TOX: variants seen among roughly 807,000 people sequenced by gnomAD.
The protein encoded by TOX is thymocyte selection associated high mobility group box.
Under a neutral mutation model 53.7 loss-of-function variants are expected in TOX, and 11 were observed. The observed-to-expected ratio is 0.20, with a 90% CI of 0.13 to 0.34. The LOEUF is 0.34. Ranked by LOEUF, TOX falls within the 10% of genes least tolerant of loss-of-function variation. The pLI is 1.00. For missense variants in TOX, 570 were observed against 664.6 expected (o/e 0.86, Z 1.56); for synonymous variants, 225 against 245.3 (o/e 0.92, Z 0.77).
rs956859963 is a variant in TOX, at chr8:59,115,767, T to C, written c.102+3119A>G. Among the ~76,000 whole-genome samples, 14 of 152,318 alleles carry C rather than the reference T, an allele frequency of 9.2e-5. No individual in the cohort carries two copies. In the South Asian group the frequency reaches 2.9e-3, roughly 32 times the overall value. ...CCGTTCTGGCTGTTTGTGTAAGAGATGCCTCACACACTTGCCTTAACCAAC... is the reference window on the plus strand; with the variant it reads ...CCGTTCTGGCTGTTTGTGTAAGAGACGCCTCACACACTTGCCTTAACCAAC... On this transcript the variant is annotated intron_variant, in intron 1 of 8. Coordinates refer to ENST00000361421, the MANE Select transcript of TOX (RefSeq NM_014729.3).
chr8:58,854,298 A>G (rs1810874921), intron 3 of TOX, among the ~76,000 whole-genome samples: 1 of 152,178 alleles, frequency 6.6e-6, no homozygotes. Context: ...CCTTTCAGAA[A>G]TCTTGTGGTT....
intron 1 of TOX, among the ~76,000 whole-genome samples, chr8:59,055,299 T>C (rs1803871374): frequency 6.6e-6 from 1 of 152,154 alleles, no homozygotes; most frequent in African/African-American, 2.4e-5. Context: ...AGGGACTCAA[T>C]GAAGCAGACC....
chr8:58,882,634 A>G (rs1465863908), intron 3 of TOX, among the ~76,000 whole-genome samples: 1 of 152,204 alleles, frequency 6.6e-6, no homozygotes, highest in Non-Finnish European at 1.5e-5. Flanking sequence ...TGTCACTATA[A>G]TTTTGAAAAA....
intron 1 of TOX, among the ~76,000 whole-genome samples, chr8:59,002,998 T>C (rs1813722972): frequency 6.6e-6 from 1 of 152,210 alleles, no homozygotes; most frequent in African/African-American, 2.4e-5. Context: ...GAAACCTGTG[T>C]TTCAATATGT....
intron 3 of TOX, among the ~76,000 whole-genome samples, chr8:58,926,714 G>A (rs1238850393): frequency 6.6e-6 from 1 of 152,120 alleles, no homozygotes; most frequent in African/African-American, 2.4e-5. Context: ...TGTCGATGGA[G>A]AGAAAAGAAT....
chr8:59,091,566 C>G (rs1804606843), intron 1 of TOX, among the ~76,000 whole-genome samples: 1 of 152,232 alleles, frequency 6.6e-6, no homozygotes, highest in African/African-American at 2.4e-5. Flanking sequence ...ACTTCCTAAG[C>G]ACAAAACTGT....
chr8:58,870,114 T>C (rs1026222858), intron 3 of TOX, among the ~76,000 whole-genome samples: 57 of 151,848 alleles, frequency 3.8e-4, no homozygotes, highest in Non-Finnish European at 4.6e-4. Flanking sequence ...GTTGAACAGA[T>C]CGGAAAGGAA....
chr8:59,098,089 G>A (rs373722434), intron 1 of TOX, among the ~76,000 whole-genome samples: 15 of 152,008 alleles, frequency 9.9e-5, no homozygotes, highest in East Asian at 3.9e-4. Context: ...GAGTGACAAT[G>A]AGCTGAAGTC....
intron 5 of TOX, among the ~76,000 whole-genome samples, chr8:58,835,132 A>G (rs1278013271): frequency 2.6e-5 from 4 of 152,214 alleles, no homozygotes; most frequent in Admixed American, 6.5e-5. Flanking sequence ...TGATTTATAT[A>G]AGTCAACTAT....
chr8:59,052,323 G>A (rs1045552265), intron 1 of TOX, among the ~76,000 whole-genome samples: 14 of 151,982 alleles, frequency 9.2e-5, no homozygotes, highest in Non-Finnish European at 1.0e-4. Flanking sequence ...TCAATACTTA[G>A]TGCATTTGCA....
At position 58,952,591 on chromosome 8, in the gene TOX, C is replaced by T. The variant is rs555474221; in HGVS notation, c.168+7352G>A. 4.6e-5 allele frequency among the ~76,000 whole-genome samples: 7 copies of T among 152,296 alleles called. No individual in the cohort carries two copies. The South Asian group carries it at 1.5e-3, about 32-fold the overall frequency. The stretch of plus-strand genomic sequence containing the variant: ...ACTGCAGTAGTGCTACAACTCCTCC[C>T]TCCAATGCCTAAATATGCTGGCATC... On this transcript the variant is annotated intron_variant, in intron 2 of 8. Transcript: ENST00000361421.
chr8:59,035,606 G>T (rs1814444441), intron 1 of TOX, among the ~76,000 whole-genome samples: 2 of 152,168 alleles, frequency 1.3e-5, no homozygotes, highest in Non-Finnish European at 2.9e-5. Context: ...TAATCTCTCA[G>T]AGCCTATAAA....
chr8:58,851,686 G>T lies in TOX; in HGVS notation c.531C>A (p.Gly177=). The T allele has an allele frequency of 6.2e-7, 1 of 1,613,654 alleles. No individual in the cohort carries two copies. Among genetic ancestry groups the T allele is most frequent in the Non-Finnish European group, 8.5e-7 (1 of 1,179,820 alleles). Residue 177 remains glycine (G), a synonymous_variant, in exon 4 of 9, where the codon GGC becomes GGA. Coordinates refer to ENST00000361421, the MANE Select transcript of TOX (RefSeq NM_014729.3). This position sits in a 1 kb window ranked among gnomAD's most constrained non-coding sequence, Gnocchi z 4.4. The part of the protein sequence containing the change: ...IRQQPGMMPH[G]QLTTINQSQL... ...GTGACTGGTTAATGGTAGTCAGCTGGCCATGTGGCATCATTCCTGGCTGCT... is the reference window on the plus strand; with the variant it reads ...GTGACTGGTTAATGGTAGTCAGCTGTCCATGTGGCATCATTCCTGGCTGCT...
intron 1 of TOX, among the ~76,000 whole-genome samples, chr8:58,987,397 C>T (rs1813352602): frequency 6.6e-6 from 1 of 152,184 alleles, no homozygotes; most frequent in African/African-American, 2.4e-5. Context: ...TAAACCTTTT[C>T]TGCATCTTTT....
intron 2 of TOX, among the ~76,000 whole-genome samples, chr8:58,953,627 T>G (rs72651327): frequency 0.021 from 3,228 of 152,308 alleles, 76 homozygotes; most frequent in Non-Finnish European, 0.03. Context: ...CACTGAAGAC[T>G]GGTTTGAGTA....
At chr8:58,867,448 A>G (rs1198590130) in intron 3 of TOX, among the ~76,000 whole-genome samples, 1 of 152,200 alleles carries the variant, frequency 6.6e-6, no homozygotes, top group Admixed American at 6.5e-5. Context: ...TAGATGAATA[A>G]GGCTCTACGT....
chr8:58,858,391 A>C lies in TOX; in HGVS notation c.412-6586T>G, dbSNP rs188865194. On this transcript the variant is annotated intron_variant, in intron 3 of 8. Transcript: ENST00000361421. ...GAAAGCTATCATTATCTCTGCCTCT[A>C]GCAGACAATCTATATCAAAACAGTT... Among the ~76,000 whole-genome samples the C allele has an allele frequency of 3.4e-3, 516 of 152,330 alleles. 2 individuals are homozygous for C. Among genetic ancestry groups the C allele is most frequent in the Non-Finnish European group, 5.3e-3 (363 of 68,022 alleles).
intron 1 of TOX, among the ~76,000 whole-genome samples, chr8:58,978,462 C>T (rs1813145100): frequency 6.6e-6 from 1 of 152,172 alleles, no homozygotes; most frequent in South Asian, 2.1e-4. Context: ...GCACAGTGGT[C>T]TTAGACCATC....
chr8:58,932,956 C>T (rs376751011), intron 3 of TOX, among the ~76,000 whole-genome samples: 1 of 152,110 alleles, frequency 6.6e-6, no homozygotes, highest in South Asian at 2.1e-4. Context: ...GAAATAAACC[C>T]CCCAATTTTA....
Sources: allele counts gnomAD v4.1 joint callset (sites outside exome capture counted in the v4.1 genomes callset), GRCh38; gene constraint gnomAD v4.1.1; non-coding constraint Gnocchi (gnomAD v3.1); transcripts MANE v1.5; gene names NCBI Gene and HGNC (gene_info 2026-07-23, HGNC 2026-07-21).